The following ARL15 variants were observed in gnomAD, a reference collection of about 807,000 sequenced individuals.
The protein encoded by ARL15 is ADP-ribosylation factor-like protein 15.
A neutral mutation model predicts 25.2 loss-of-function variants in ARL15; 19 were observed. That is an observed-to-expected ratio of 0.75 (90% CI 0.53 to 1.10). The LOEUF is 1.10. Ranked by LOEUF, ARL15 falls within the 50% of genes least tolerant of loss-of-function variation. ARL15 has a pLI of 0.00. For missense variants in ARL15, 220 were observed against 246.0 expected (o/e 0.89, Z 0.71); for synonymous variants, 94 against 86.8 (o/e 1.08, Z -0.46).
At chr5:54,301,246 C>T (rs917195521) in intron 1 of ARL15, among the ~76,000 whole-genome samples, 2 of 152,140 alleles carry the variant, frequency 1.3e-5, no homozygotes, top group Admixed American at 6.5e-5. Context: ...ATGTCTTATT[C>T]ACTCAACATT....
chr5:54,159,636 C>G (rs1754345302), intron 2 of ARL15, among the ~76,000 whole-genome samples: 1 of 152,212 alleles, frequency 6.6e-6, no homozygotes, highest in Non-Finnish European at 1.5e-5. Context: ...AGGCTCCATT[C>G]AAACAATTTG....
At chr5:54,084,375 G>A (rs1446553375) in intron 4 of ARL15, among the ~76,000 whole-genome samples, 1 of 150,392 alleles carries the variant, frequency 6.6e-6, no homozygotes, top group African/African-American at 2.5e-5. Flanking sequence ...CTCCCAGAGG[G>A]GTGGAGGAGT....
intron 1 of ARL15, among the ~76,000 whole-genome samples, chr5:54,219,469 A>C (rs1169089475): frequency 6.6e-6 from 1 of 152,216 alleles, no homozygotes; most frequent in African/African-American, 2.4e-5. Context: ...GAAAGGCCTA[A>C]AACTTTCCTT....
At chr5:54,218,863 G>A (rs1244159690) in intron 1 of ARL15, among the ~76,000 whole-genome samples, 1 of 152,134 alleles carries the variant, frequency 6.6e-6, no homozygotes, top group Non-Finnish European at 1.5e-5. Flanking sequence ...TGATGGAGCA[G>A]CTGAAGAGCA....
chr5:53,891,886 G>A (rs191895840), intron 4 of ARL15, among the ~76,000 whole-genome samples: 5 of 152,316 alleles, frequency 3.3e-5, no homozygotes. Context: ...AGCACTCCAG[G>A]TGCCAGCAGA....
intron 1 of ARL15, among the ~76,000 whole-genome samples, chr5:54,207,666 C>T (rs543878958): frequency 6.6e-6 from 1 of 152,186 alleles, no homozygotes; most frequent in South Asian, 2.1e-4. Flanking sequence ...GTAACTGGTC[C>T]AGCAGACAAG....
At position 54,171,874 on chromosome 5, in the gene ARL15, G is replaced by C. The variant is rs748805361; in HGVS notation, c.103C>G (p.Leu35Val). The C allele has an allele frequency of 6.8e-6, 11 of 1,613,472 alleles. No homozygotes were observed. The African/African-American group carries it at 1.5e-4, about 22-fold the overall frequency. The change falls in exon 2 of 5, where the codon CTG becomes GTG. Residue 35 changes from leucine to valine, a missense_variant. Coordinates refer to ENST00000504924, the MANE Select transcript of ARL15 (RefSeq NM_019087.3). ...GAACCTGTGAGGCCTATGCAAACCA[G>C]GTCATATTCTGGTCGTGCAGGTGGT... ...GPPPARPEYD[L>V]VCIGLTGSGK...
At chr5:53,945,357 C>T (rs1006973044) in intron 4 of ARL15, among the ~76,000 whole-genome samples, 13 of 152,180 alleles carry the variant, frequency 8.5e-5, no homozygotes, top group Admixed American at 1.3e-4. Flanking sequence ...GACAGTTTAT[C>T]TTTTAGATTA....
At chr5:54,071,971 CAAAAAAAGAAAAA>C (rs1323665427) in intron 4 of ARL15, among the ~76,000 whole-genome samples, 1 of 57,662 alleles carries the variant, frequency 1.7e-5, no homozygotes, top group Non-Finnish European at 3.1e-5. Context: ...GACTCCGTCT[CAAAAAAAGAAAAA>C]AAAAAAAAAA....
chr5:54,232,183 T>TC (rs1756690038), intron 1 of ARL15, among the ~76,000 whole-genome samples: 1 of 152,148 alleles, frequency 6.6e-6, no homozygotes, highest in East Asian at 1.9e-4. Context: ...GCAAGCCCTT[T>TC]CCCCTCTGGG....
At chr5:54,074,443 G>A (rs550218739) in intron 4 of ARL15, among the ~76,000 whole-genome samples, 1 of 152,226 alleles carries the variant, frequency 6.6e-6, no homozygotes, top group East Asian at 1.9e-4. Context: ...AAATCCAAGA[G>A]TAAGCTAATA....
chr5:54,293,470 A>G (rs1758387559), intron 1 of ARL15, among the ~76,000 whole-genome samples: 1 of 152,258 alleles, frequency 6.6e-6, no homozygotes, highest in Non-Finnish European at 1.5e-5. Flanking sequence ...CACTGCCTAA[A>G]TGAAAAGAAA....
intron 1 of ARL15, among the ~76,000 whole-genome samples, chr5:54,215,632 GA>G (rs35282863): frequency 0.4 from 56,490 of 141,686 alleles, 11,546 homozygotes; most frequent in Non-Finnish European, 0.54. Context: ...GGGAGGGGGG[GA>G]AAAAGGAACT....
chr5:54,217,315 C>T lies in ARL15; in HGVS notation c.49-45387G>A, dbSNP rs190400789. Among the ~76,000 whole-genome samples, 129 of 151,578 alleles carry T rather than the reference C, an allele frequency of 8.5e-4. 1 individual carries two copies. The highest frequency in any genetic ancestry group is 1.5e-3 in the Non-Finnish European group (102 of 67,900). On this transcript the variant is annotated intron_variant, in intron 1 of 4. Coordinates refer to ENST00000504924, the MANE Select transcript of ARL15 (RefSeq NM_019087.3). The stretch of plus-strand genomic sequence containing the variant: ...AGAAGTTCAGGAAATATACCAATTG[C>T]AAATTTACTGTGAAAGATTCCATTT...
chr5:54,254,381 T>C (rs1484996032), intron 1 of ARL15, among the ~76,000 whole-genome samples: 1 of 152,230 alleles, frequency 6.6e-6, no homozygotes, highest in African/African-American at 2.4e-5. Flanking sequence ...TCGAAGCTTA[T>C]TTTTTAACAT....
intron 4 of ARL15, among the ~76,000 whole-genome samples, chr5:53,979,022 T>C (rs972985387): frequency 6.6e-6 from 1 of 152,166 alleles, no homozygotes; most frequent in Non-Finnish European, 1.5e-5. Context: ...AGAGACTTTG[T>C]GTCTTTATCA....
intron 4 of ARL15, among the ~76,000 whole-genome samples, chr5:54,039,800 TAAA>T (rs35030165): frequency 2.7e-4 from 14 of 52,554 alleles, no homozygotes; most frequent in African/African-American, 9.1e-4. Context: ...AGACTCTGTC[TAAA>T]AAAAAAAAAA....
chr5:54,080,119 G>A (rs1036337796), intron 4 of ARL15, among the ~76,000 whole-genome samples: 3 of 152,180 alleles, frequency 2.0e-5, no homozygotes, highest in Non-Finnish European at 4.4e-5. Flanking sequence ...TTAGGTATAT[G>A]TGAATCACCA....
At chr5:53,946,083 A>T (rs894167410) in intron 4 of ARL15, among the ~76,000 whole-genome samples, 1 of 152,196 alleles carries the variant, frequency 6.6e-6, no homozygotes, top group Admixed American at 6.5e-5. Context: ...GGATCATATC[A>T]CTATGGTTTA....
Sources: allele counts gnomAD v4.1 joint callset (sites outside exome capture counted in the v4.1 genomes callset), GRCh38; gene constraint gnomAD v4.1.1; transcripts MANE v1.5; gene names NCBI Gene and HGNC (gene_info 2026-07-23, HGNC 2026-07-21).